Variants in FRMD5 observed in about 807,000 individuals in gnomAD.
FRMD5 encodes the protein FERM domain-containing protein 5.
In FRMD5, 20 loss-of-function variants were observed where a neutral mutation model predicts 69.0. The ratio of observed to expected loss-of-function variants is 0.29; its 90% CI spans 0.20 to 0.42. The LOEUF is 0.42. Among genes scored for constraint, FRMD5 ranks in the 10% least tolerant of loss-of-function variants. The pLI, the probability that FRMD5 is intolerant of heterozygous loss-of-function variation, is 1.00. For synonymous variants in FRMD5, 271 were observed against 260.1 expected, an observed-to-expected ratio of 1.04 and a Z score of -0.40; for missense variants, 595 against 708.6, an observed-to-expected ratio of 0.84 and a Z score of 1.82.
intron 1 of FRMD5, among the ~76,000 whole-genome samples, chr15:44,182,818 C>T (rs544161449): frequency 2.4e-4 from 36 of 152,150 alleles, no homozygotes; most frequent in South Asian, 6.2e-4. Context: ...TTTTTTGAGA[C>T]GGAGTCTCGC....
In FRMD5 at chr15:43,898,111, T is replaced by C. The variant is rs528683803; in HGVS notation, c.639+4064A>G. Among the ~76,000 whole-genome samples, 6 of 152,328 alleles carry C rather than the reference T, an allele frequency of 3.9e-5. No homozygotes were observed. The South Asian group carries it at 8.3e-4, about 21-fold the overall frequency. ...CTAAGACAGATGATATCAATAATCT[T>C]GTAGGTCAGTGTCCTTTCTGTGTCA... is the stretch of plus-strand genomic sequence containing the variant. On this transcript the variant is annotated intron_variant, in intron 7 of 13. Coordinates refer to ENST00000417257, the MANE Select transcript of FRMD5 (RefSeq NM_032892.5).
At chr15:44,156,193 G>C (rs2077525449) in intron 1 of FRMD5, among the ~76,000 whole-genome samples, 1 of 152,028 alleles carries the variant, frequency 6.6e-6, no homozygotes, top group African/African-American at 2.4e-5. Flanking sequence ...ACCCAGACAG[G>C]AGTGCAGTGG....
upstream of FRMD5, among the ~76,000 whole-genome samples, chr15:44,197,395 T>C (rs1030542954): frequency 6.6e-6 from 1 of 151,968 alleles, no homozygotes; most frequent in Non-Finnish European, 1.5e-5. Flanking sequence ...GATAATGAAA[T>C]ATTTCAGGCT....
chr15:43,904,632 G>A (rs545417071), intron 6 of FRMD5, among the ~76,000 whole-genome samples: 3 of 152,098 alleles, frequency 2.0e-5, no homozygotes, highest in South Asian at 2.1e-4. Context: ...GCCCTCCTCC[G>A]CCTCCCAAAG....
intron 1 of FRMD5, among the ~76,000 whole-genome samples, chr15:44,103,216 C>T (rs77126988): frequency 0.014 from 2,101 of 152,240 alleles, 39 homozygotes; most frequent in African/African-American, 0.043. Context: ...GCAACAGTAC[C>T]AGTCTCTGAG....
intron 8 of FRMD5, among the ~76,000 whole-genome samples, chr15:43,890,903 A>T (rs960126789): frequency 6.6e-6 from 1 of 152,006 alleles, no homozygotes; most frequent in African/African-American, 2.4e-5. Context: ...TCAGTGGGGG[A>T]GCTGAAGAGG....
chr15:43,894,415 T>C (rs2088866374), intron 7 of FRMD5, among the ~76,000 whole-genome samples: 1 of 152,112 alleles, frequency 6.6e-6, no homozygotes, highest in African/African-American at 2.4e-5. Flanking sequence ...CAGAAAATGT[T>C]GAGCAGATGA....
intron 1 of FRMD5, among the ~76,000 whole-genome samples, chr15:44,163,477 C>A (rs1285859217): frequency 6.6e-6 from 1 of 152,142 alleles, no homozygotes; most frequent in Non-Finnish European, 1.5e-5. Flanking sequence ...TGGTACACTT[C>A]TTTAGCTTTA....
chr15:43,974,526 A>G (rs1206034123), intron 1 of FRMD5, among the ~76,000 whole-genome samples: 1 of 152,198 alleles, frequency 6.6e-6, no homozygotes, highest in Non-Finnish European at 1.5e-5. Flanking sequence ...TCTTTGAGAA[A>G]GCATTGGAGT....
At chr15:43,973,102 A>C (rs1279115080) in intron 1 of FRMD5, among the ~76,000 whole-genome samples, 1 of 151,274 alleles carries the variant, frequency 6.6e-6, no homozygotes, top group Admixed American at 6.6e-5. Context: ...GGCTCACTGC[A>C]AGCACTGCCT....
Position 44,194,966 on chromosome 15 carries a change from G to T in FRMD5, c.89C>A (p.Thr30Asn). 1 of 1,538,862 alleles carries T rather than the reference G, an allele frequency of 6.5e-7. No individual in the cohort carries two copies. The change falls in exon 1 of 14, where the codon ACC (threonine) becomes AAC (asparagine). Residue 30 changes from threonine (T) to asparagine (N), a missense_variant. Thr to Asn is a moderately conservative substitution (Grantham distance 65, BLOSUM62 0). Coordinates refer to ENST00000417257, the MANE Select transcript of FRMD5 (RefSeq NM_032892.5). ...CGCGGCGCTGACCTGGATGGTGCAG[G>T]TGTACTCGCTGTCGTCCAGCAGCCG... is the stretch of plus-strand genomic sequence containing the variant. ...TVRLLDDSEY[T>N]CTIQRDAKGQ...
chr15:43,933,811 T>G (rs1385628156), intron 1 of FRMD5, among the ~76,000 whole-genome samples: 1 of 152,238 alleles, frequency 6.6e-6, no homozygotes, highest in Non-Finnish European at 1.5e-5. Flanking sequence ...TTATTTTCAA[T>G]GGCTAACTAG....
intron 7 of FRMD5, among the ~76,000 whole-genome samples, chr15:43,897,411 C>T (rs779927541): frequency 5.7e-5 from 8 of 140,274 alleles, no homozygotes; most frequent in African/African-American, 1.3e-4. Flanking sequence ...CACTTGAACC[C>T]GGGAGGCAGA....
chr15:44,169,752 T>C (rs944194835), intron 1 of FRMD5, among the ~76,000 whole-genome samples: 2 of 152,186 alleles, frequency 1.3e-5, no homozygotes, highest in South Asian at 2.1e-4. Flanking sequence ...TATTTATATA[T>C]AATTTCTGAG....
intron 1 of FRMD5, among the ~76,000 whole-genome samples, chr15:44,123,344 C>A (rs1218916334): frequency 6.1e-5 from 9 of 147,326 alleles, no homozygotes; most frequent in Admixed American, 6.8e-5. Context: ...AACTCCATCT[C>A]AAAAAAAAAA....
chr15:44,057,002 T>A (rs75282464), intron 1 of FRMD5, among the ~76,000 whole-genome samples: 1,932 of 152,188 alleles, frequency 0.013, 36 homozygotes, highest in African/African-American at 0.039. Flanking sequence ...GCTTTCCAAA[T>A]GGAAGGGCAG....
upstream of FRMD5, among the ~76,000 whole-genome samples, chr15:44,195,651 A>G (rs1182360219): frequency 6.6e-6 from 1 of 151,834 alleles, no homozygotes; most frequent in Non-Finnish European, 1.5e-5. Flanking sequence ...TGGGAGCCGG[A>G]GCGAGGAGGC....
intron 7 of FRMD5, among the ~76,000 whole-genome samples, chr15:43,898,992 G>C (rs1239100343): frequency 6.6e-6 from 1 of 152,212 alleles, no homozygotes; most frequent in African/African-American, 2.4e-5. Context: ...CCAGGGGACA[G>C]AGCCTAAGCT....
intron 1 of FRMD5, among the ~76,000 whole-genome samples, chr15:44,133,079 C>T (rs940959012): frequency 6.6e-6 from 1 of 151,516 alleles, no homozygotes; most frequent in Non-Finnish European, 1.5e-5. Flanking sequence ...GTATTTAATA[C>T]CACTGAACTT....
Sources: gnomAD v4.1 joint callset for allele counts (sites outside exome capture counted in the v4.1 genomes callset) on GRCh38, gnomAD v4.1.1 for gene constraint, MANE v1.5 for transcripts, NCBI Gene and HGNC (gene_info 2026-07-23, HGNC 2026-07-21) for gene names.